PCDH9: variants seen among roughly 807,000 people sequenced by gnomAD.
The protein encoded by PCDH9 is protocadherin 9.
Under a neutral mutation model 70.6 loss-of-function variants are expected in PCDH9, and 24 were observed. The ratio of observed to expected loss-of-function variants is 0.34; its 90% CI spans 0.25 to 0.48. PCDH9 has a LOEUF of 0.48. Ranked by LOEUF, PCDH9 falls within the 20% of genes least tolerant of loss-of-function variation. PCDH9 has a pLI of 0.99. For missense variants in PCDH9, 1,281 were observed against 1,503.6 expected (o/e 0.85, Z 2.45); for synonymous variants, 562 against 558.5 (o/e 1.01, Z -0.09).
At chr13:67,149,534 A>T (rs2087606757) in intron 2 of PCDH9, among the ~76,000 whole-genome samples, 1 of 152,018 alleles carries the variant, frequency 6.6e-6, no homozygotes, top group Admixed American at 6.6e-5. Flanking sequence ...TCTGAACAAA[A>T]CATCAACTTT....
chr13:66,836,736 C>T (rs180856835), intron 3 of PCDH9, among the ~76,000 whole-genome samples: 1 of 152,188 alleles, frequency 6.6e-6, no homozygotes, highest in Admixed American at 6.5e-5. Flanking sequence ...CTAATAAATC[C>T]ATCAGGGACT....
intron 2 of PCDH9, among the ~76,000 whole-genome samples, chr13:67,032,984 C>CA (rs1566376681): frequency 6.7e-6 from 1 of 149,800 alleles, no homozygotes; most frequent in Non-Finnish European, 1.5e-5. Flanking sequence ...CTAATTTGTC[C>CA]TTTTTTTTTT....
intron 3 of PCDH9, among the ~76,000 whole-genome samples, chr13:66,770,384 A>G (rs2079787719): frequency 6.6e-6 from 1 of 152,196 alleles, no homozygotes; most frequent in African/African-American, 2.4e-5. Context: ...TAGGTTTACT[A>G]GCAGCCTCTA....
intron 4 of PCDH9, among the ~76,000 whole-genome samples, chr13:66,607,602 TG>T (rs951615075): frequency 3.3e-5 from 5 of 152,104 alleles, no homozygotes; most frequent in Non-Finnish European, 7.4e-5. Context: ...TAAATATATT[TG>T]ATTAACATCT....
intron 2 of PCDH9, among the ~76,000 whole-genome samples, chr13:67,154,731 G>A (rs1159268645): frequency 2.2e-5 from 3 of 139,490 alleles, no homozygotes; most frequent in Non-Finnish European, 3.0e-5. Flanking sequence ...TTGAGACAGA[G>A]TCTCTGTCTG....
At chr13:66,533,581 C>A (rs1292014049) in intron 4 of PCDH9, among the ~76,000 whole-genome samples, 1 of 151,920 alleles carries the variant, frequency 6.6e-6, no homozygotes, top group African/African-American at 2.4e-5. Flanking sequence ...GTCAATTAAT[C>A]CTAGGGACAT....
At chr13:66,550,725 T>C (rs1229635492) in intron 4 of PCDH9, among the ~76,000 whole-genome samples, 1 of 152,208 alleles carries the variant, frequency 6.6e-6, no homozygotes, top group Non-Finnish European at 1.5e-5. Flanking sequence ...TCGGGTTTTC[T>C]GTCACTTGCA....
chr13:66,950,338 G>A (rs2083159146), intron 2 of PCDH9, among the ~76,000 whole-genome samples: 1 of 152,030 alleles, frequency 6.6e-6, no homozygotes, highest in East Asian at 1.9e-4. Flanking sequence ...CAGATGTGAA[G>A]CTTATTCAAT....
At chr13:66,993,935 T>C (rs2084055036) in intron 2 of PCDH9, among the ~76,000 whole-genome samples, 1 of 152,156 alleles carries the variant, frequency 6.6e-6, no homozygotes, top group Admixed American at 6.6e-5. Flanking sequence ...AGCCCGTTAG[T>C]TGTTTAAACA....
At chr13:66,929,482 C>T (rs1023569860) in intron 2 of PCDH9, among the ~76,000 whole-genome samples, 2 of 152,048 alleles carry the variant, frequency 1.3e-5, no homozygotes, top group Admixed American at 1.3e-4. Flanking sequence ...TGCCACCACA[C>T]CCAGCTAATT....
rs557235085 is a variant in PCDH9, at chr13:66,843,987, T to C, written c.3138+59517A>G. On this transcript the variant is annotated intron_variant, in intron 3 of 4. Coordinates refer to ENST00000377865, the MANE Select transcript of PCDH9 (RefSeq NM_203487.3). ...AACGAGTAGACCTGACTCTAAAATG[T>C]AGCAATACTTCACTTTCTAATACAT... Among the ~76,000 whole-genome samples, 9 of 152,274 alleles carry C rather than the reference T, an allele frequency of 5.9e-5. No homozygotes were observed. The South Asian group carries it at 1.9e-3, about 32-fold the overall frequency.
intron 4 of PCDH9, among the ~76,000 whole-genome samples, chr13:66,419,887 AC>A (rs916796800): frequency 6.6e-6 from 1 of 150,942 alleles, no homozygotes; most frequent in African/African-American, 2.4e-5. Flanking sequence ...AGCAGATCCC[AC>A]CCCCTATGGA....
chr13:67,119,028 G>A (rs2086830565), intron 2 of PCDH9, among the ~76,000 whole-genome samples: 1 of 152,148 alleles, frequency 6.6e-6, no homozygotes, highest in African/African-American at 2.4e-5. Context: ...GTGAATTAAA[G>A]CACAAACTGT....
chr13:67,218,137 A>G (rs772490682), intron 2 of PCDH9: 3 of 152,062 alleles, frequency 2.0e-5, no homozygotes, highest in Non-Finnish European at 4.4e-5. Context: ...GCAAATCTTT[A>G]AAACCCCACT....
intron 3 of PCDH9, among the ~76,000 whole-genome samples, chr13:66,746,916 A>T (rs543558490): frequency 1.3e-5 from 2 of 152,052 alleles, no homozygotes; most frequent in South Asian, 4.1e-4. Context: ...AAATGTGAAT[A>T]CCCCTATCCC....
At chr13:66,764,419 G>A (rs902850715) in intron 3 of PCDH9, among the ~76,000 whole-genome samples, 2 of 151,922 alleles carry the variant, frequency 1.3e-5, no homozygotes, top group African/African-American at 2.4e-5. Context: ...ATTAACATTT[G>A]CGTGTAAAAC....
At chr13:66,751,736 G>A (rs376365538) in intron 3 of PCDH9, among the ~76,000 whole-genome samples, 7 of 152,244 alleles carry the variant, frequency 4.6e-5, no homozygotes, top group African/African-American at 7.2e-5. Flanking sequence ...TATAACGAAG[G>A]AAATAAACTT....
At chr13:66,437,754 G>GA (rs34154192) in intron 4 of PCDH9, among the ~76,000 whole-genome samples, 4 of 151,972 alleles carry the variant, frequency 2.6e-5, no homozygotes, top group Non-Finnish European at 4.4e-5. Context: ...TGCTAAAGCT[G>GA]AAAAAAATGC....
At chr13:66,847,648 C>T (rs186077835) in intron 3 of PCDH9, among the ~76,000 whole-genome samples, 2 of 152,184 alleles carry the variant, frequency 1.3e-5, no homozygotes, top group African/African-American at 2.4e-5. Flanking sequence ...GACGTCTTTT[C>T]GACATATCTG....
Sources: allele counts gnomAD v4.1 joint callset (sites outside exome capture counted in the v4.1 genomes callset), GRCh38; gene constraint gnomAD v4.1.1; transcripts MANE v1.5; gene names NCBI Gene and HGNC (gene_info 2026-07-23, HGNC 2026-07-21).